Variants in MAST4 observed in about 807,000 individuals in gnomAD.
MAST4 encodes the protein microtubule associated serine/threonine kinase family member 4.
MAST4 carries 89 observed loss-of-function variants against 162.7 expected under a neutral mutation model. The ratio of observed to expected loss-of-function variants is 0.55; its 90% confidence interval spans 0.46 to 0.65. The LOEUF (loss-of-function observed/expected upper bound fraction) is 0.65, where lower values mean the gene tolerates loss of function less well. Ranked by LOEUF, MAST4 falls within the 30% of genes least tolerant of loss-of-function variation. The probability of loss-of-function intolerance (pLI) is 0.00; values close to 1 mark genes in which losing one functional copy is unlikely to be tolerated. For synonymous variants in MAST4, 1,479 were observed against 1,361.1 expected (o/e 1.09, Z -1.91); for missense variants, 3,153 against 3,374.0 (o/e 0.93, Z 1.62).
chr5:67,079,049 T>C (rs749670924), intron 5 of MAST4, among the ~76,000 whole-genome samples: 1 of 147,170 alleles, frequency 6.8e-6, no homozygotes, highest in South Asian at 2.1e-4. Context: ...CTAGTGAAAA[T>C]ATCAGTGCAG....
Position 67,160,572 on chromosome 5 carries a change from G to A in MAST4, c.3765G>A (p.Lys1255=), listed in dbSNP as rs1773073767. The A allele has an allele frequency of 6.2e-7, 1 of 1,613,540 alleles. No homozygotes were observed. The highest frequency in any genetic ancestry group is 1.3e-5 in the African/African-American group (1 of 75,034). ...SRMVRRSKKS[K]KKESLERRRS... ...TGGTGAGGCGGAGCAAGAAATCCAA[G>A]AAGAAAGAAAGTCTCGAAAGGTTAG... The change falls in exon 27 of 29, where the codon AAG becomes AAA. Residue 1255 remains lysine (K), a synonymous_variant. Coordinates refer to ENST00000403625, the MANE Select transcript of MAST4 (RefSeq NM_001164664.2).
intron 1 of MAST4, among the ~76,000 whole-genome samples, chr5:66,714,868 G>T (rs1750721302): frequency 6.6e-6 from 1 of 152,148 alleles, no homozygotes; most frequent in Non-Finnish European, 1.5e-5. Flanking sequence ...GGGCTTGTTT[G>T]GTCCTCTGCC....
At chr5:66,860,971 G>A (rs1760072299) in intron 3 of MAST4, among the ~76,000 whole-genome samples, 1 of 152,162 alleles carries the variant, frequency 6.6e-6, no homozygotes, top group South Asian at 2.1e-4. Flanking sequence ...TGCAGCACCT[G>A]AGTCTGGTGC....
chr5:67,162,718 T>C lies in MAST4; in HGVS notation c.3897T>C (p.Gly1299=), dbSNP rs746638579. The C allele has an allele frequency of 1.9e-6, 3 of 1,613,764 alleles. No individual in the cohort carries two copies. Among genetic ancestry groups the C allele is most frequent in the Non-Finnish European group, 2.5e-6 (3 of 1,179,832 alleles). The part of the protein sequence containing the change: ...RSLSSGESLP[G]SPTHSLSPRS... ...TGTCATCGGGTGAGAGCCTCCCAGG[T>C]TCCCCCACTCATAGCTTGTCTCCCC... Residue 1299 remains glycine, a synonymous_variant, in exon 28 of 29, where the codon GGT becomes GGC. Coordinates refer to ENST00000403625, the MANE Select transcript of MAST4 (RefSeq NM_001164664.2).
intron 4 of MAST4, among the ~76,000 whole-genome samples, chr5:66,938,010 G>C (rs1259395407): frequency 6.6e-6 from 1 of 151,586 alleles, no homozygotes; most frequent in South Asian, 2.1e-4. Flanking sequence ...TTTTTCTGTG[G>C]GATCCATTCA....
chr5:66,713,640 T>C (rs1750633775), intron 1 of MAST4, among the ~76,000 whole-genome samples: 1 of 152,242 alleles, frequency 6.6e-6, no homozygotes, highest in Non-Finnish European at 1.5e-5. Flanking sequence ...TTTAAAAAGG[T>C]TTTAGTTTGT....
intron 1 of MAST4, among the ~76,000 whole-genome samples, chr5:66,686,636 G>A (rs891388419): frequency 6.6e-6 from 1 of 152,148 alleles, no homozygotes. Flanking sequence ...CTTGGGATTG[G>A]ATTGCTTCCT....
rs1468347663 is a variant in MAST4, at chr5:66,840,709, T to A, written c.642+51915T>A. On this transcript the variant is annotated intron_variant, in intron 3 of 28. Transcript: ENST00000403625. The stretch of plus-strand genomic sequence containing the variant: ...GCAGGTTCAAAGTCTTGTGCTTTGG[T>A]CATCTATCTTGAGAAGAATATACCC... 2.0e-5 allele frequency among the ~76,000 whole-genome samples: 3 copies of A among 152,144 alleles called. No individual in the cohort carries two copies. In the East Asian group the frequency reaches 5.8e-4, roughly 29 times the overall value.
At chr5:66,792,136 G>A (rs1233750874) in intron 3 of MAST4, 2 of 166,426 alleles carry the variant, frequency 1.2e-5, no homozygotes, top group African/African-American at 4.8e-5. Context: ...TGCTGAAGAA[G>A]TGGGAATGTA....
At chr5:66,828,708 C>A in intron 3 of MAST4, 2 of 1,348,140 alleles carry the variant, frequency 1.5e-6, no homozygotes, top group Admixed American at 2.1e-5. Context: ...GCTGGACCAG[C>A]TGACTCCGGG....
At chr5:66,715,127 A>G (rs1479046857) in intron 1 of MAST4, among the ~76,000 whole-genome samples, 3 of 152,158 alleles carry the variant, frequency 2.0e-5, no homozygotes, top group Non-Finnish European at 4.4e-5. Context: ...CTGGAGCACA[A>G]CTGGACTAAT....
At chr5:66,612,371 AT>A (rs1743345535) in intron 1 of MAST4, among the ~76,000 whole-genome samples, 1 of 152,132 alleles carries the variant, frequency 6.6e-6, no homozygotes, top group African/African-American at 2.4e-5. Flanking sequence ...AGACTCCATT[AT>A]TGGTGGTGAG....
intron 4 of MAST4, among the ~76,000 whole-genome samples, chr5:66,916,661 G>A (rs991870103): frequency 3.9e-5 from 6 of 152,140 alleles, no homozygotes; most frequent in Admixed American, 3.3e-4. Context: ...GCATACAGGT[G>A]TAGGTACATT....
At position 66,911,988 on chromosome 5, in the gene MAST4, A is replaced by G. The variant is rs779069638; in HGVS notation, c.674+12006A>G. 9.2e-5 allele frequency among the ~76,000 whole-genome samples: 14 copies of G among 152,234 alleles called. 1 individual carries two copies. The South Asian group carries it at 2.5e-3, about 27-fold the overall frequency. ...ACTCTTCCTAAACCCTGATTTTCCAATGCAGTCTTTTATTGTTATTGGGGG... is the reference window on the plus strand; with the variant it reads ...ACTCTTCCTAAACCCTGATTTTCCAGTGCAGTCTTTTATTGTTATTGGGGG... On this transcript the variant is annotated intron_variant, in intron 4 of 28. Coordinates refer to ENST00000403625, the MANE Select transcript of MAST4 (RefSeq NM_001164664.2).
chr5:66,696,116 C>T (rs1404099496), intron 1 of MAST4, among the ~76,000 whole-genome samples: 3 of 152,096 alleles, frequency 2.0e-5, no homozygotes, highest in Non-Finnish European at 4.4e-5. Flanking sequence ...AAACCAAACA[C>T]TGCATGTTCT....
chr5:66,828,808 A>T, intron 3 of MAST4: 1 of 1,600,324 alleles, frequency 6.2e-7, no homozygotes, highest in Non-Finnish European at 8.5e-7. Flanking sequence ...GCATGGCTAG[A>T]CTGTTGTGAG....
intron 4 of MAST4, among the ~76,000 whole-genome samples, chr5:66,971,941 A>T (rs548197406): frequency 6.6e-5 from 10 of 152,298 alleles, no homozygotes; most frequent in African/African-American, 2.2e-4. Flanking sequence ...AGAGCATAAG[A>T]TGGTGATGAT....
chr5:66,717,343 T>C (rs1750908601), intron 1 of MAST4, among the ~76,000 whole-genome samples: 1 of 152,222 alleles, frequency 6.6e-6, no homozygotes, highest in African/African-American at 2.4e-5. Context: ...AAACATTTCT[T>C]CTCTAATTTT....
chr5:66,722,003 T>C (rs1751241015), intron 1 of MAST4, among the ~76,000 whole-genome samples: 1 of 152,040 alleles, frequency 6.6e-6, no homozygotes, highest in Non-Finnish European at 1.5e-5. Context: ...CATTTCTCAT[T>C]GCAAGTACTG....
Sources: gnomAD v4.1 joint callset for allele counts (sites outside exome capture counted in the v4.1 genomes callset) on GRCh38, gnomAD v4.1.1 for gene constraint, MANE v1.5 for transcripts, NCBI Gene and HGNC (gene_info 2026-07-23, HGNC 2026-07-21) for gene names.